CPNE6: variants seen among roughly 807,000 people sequenced by gnomAD.
The protein encoded by CPNE6 is copine 6.
A neutral mutation model predicts 71.5 loss-of-function variants in CPNE6; 33 were observed. The ratio of observed to expected loss-of-function variants is 0.46; its 90% CI spans 0.35 to 0.62. The LOEUF (loss-of-function observed/expected upper bound fraction) is 0.62. Among genes scored for constraint, CPNE6 ranks in the 20% least tolerant of loss-of-function variants. The pLI is 0.00. For synonymous variants in CPNE6, 296 were observed against 293.0 expected (o/e 1.01, Z -0.10); for missense variants, 576 against 747.3 (o/e 0.77, Z 2.67).
Position 24,073,792 on chromosome 14 carries a change from C to T in CPNE6, c.348+114C>T. On this transcript the variant is annotated intron_variant, in intron 4 of 17. Coordinates refer to ENST00000397016, the Ensembl canonical transcript of CPNE6. The surrounding 1 kb of genome is among the most constrained non-coding windows in gnomAD (Gnocchi z 5.5). ...GAGCTAGTTCAACCCAGCCTTGGCT[C>T]CCATCTCTGCCATTCACTAGCTGTG... 3 of 1,124,680 alleles carry T rather than the reference C, an allele frequency of 2.7e-6. No homozygotes were observed. Among genetic ancestry groups the T allele is most frequent in the Non-Finnish European group, 3.8e-6 (3 of 790,942 alleles). The allele number at this position is 1,124,680 out of a possible 1,614,324, so 69.7% of individuals were successfully genotyped here.
At position 24,077,866 on chromosome 14, in the gene CPNE6, T is replaced by A; in HGVS notation, c.*38-22T>A. 8.3e-6 allele frequency: 8 copies of A among 961,996 alleles called. No homozygotes were observed. Among genetic ancestry groups the A allele is most frequent in the African/African-American group, 1.7e-5 (1 of 60,460 alleles). 59.6% of individuals were successfully genotyped at this position (961,996 alleles called of 1,614,324 possible). The stretch of plus-strand genomic sequence containing the variant: ...GGTGTAGTGTAGAAGAGAGTGCTTA[T>A]GACTCTCCCACCCCCTCCCAGGTGC... On this transcript the variant is annotated intron_variant, in intron 17 of 17. Coordinates refer to ENST00000397016, the Ensembl canonical transcript of CPNE6. The surrounding 1 kb of genome is among the most constrained non-coding windows in gnomAD (Gnocchi z 6.1).
intron 1 of CPNE6, chr14:24,071,177 C>A: frequency 9.7e-7 from 1 of 1,026,166 alleles, no homozygotes; most frequent in Non-Finnish European, 1.4e-6. Flanking sequence ...CTGTAACTGT[C>A]GTGGTGTCAC....
In CPNE6 at chr14:24,073,971, C is replaced by A; in HGVS notation, c.349-80C>A. 7.7e-7 allele frequency: 1 copy of A among 1,295,764 alleles called. No individual in the cohort carries two copies. Among genetic ancestry groups the A allele is most frequent in the Non-Finnish European group, 1.1e-6 (1 of 890,874 alleles). 80.3% of individuals were successfully genotyped at this position (1,295,764 alleles called of 1,614,324 possible). ...TGCCAACCCTTGCAGACACTCAGAG[C>A]ATTTATTATTCCATCCCTTGTACGT... is the stretch of plus-strand genomic sequence containing the variant. On this transcript the variant is annotated intron_variant, in intron 4 of 17. Transcript: ENST00000397016. This position sits in a 1 kb window ranked among gnomAD's most constrained non-coding sequence, Gnocchi z 5.5.
At chr14:24,071,088 G>T in intron 1 of CPNE6, 1 of 1,457,372 alleles carries the variant, frequency 6.9e-7, no homozygotes, top group Non-Finnish European at 9.3e-7. Flanking sequence ...ATATGTGACT[G>T]CAGATATCCT....
chr14:24,077,233 C>G lies in CPNE6; in HGVS notation c.1379C>G (p.Ser460Cys). The stretch of plus-strand genomic sequence containing the variant: ...ACTCGCACTGCTATCGTGCGTGCCT[C>G]CCGCCTGCCCATGTCCATCATCATC... Residue 460 changes from serine to cysteine, a missense_variant, in exon 16 of 18, where the codon TCC becomes TGC. Ser to Cys is a moderately radical substitution (Grantham distance 112, BLOSUM62 -1). Coordinates refer to ENST00000397016, the Ensembl canonical transcript of CPNE6. This position sits in a 1 kb window ranked among gnomAD's most constrained non-coding sequence, Gnocchi z 6.1. 1 of 1,613,176 alleles carries G rather than the reference C, an allele frequency of 6.2e-7. No individual in the cohort carries two copies. The highest frequency in any genetic ancestry group is 1.1e-5 in the South Asian group (1 of 91,086).
chr14:24,075,877 C>T lies in CPNE6; in HGVS notation c.915C>T (p.Ile305=). 1 of 1,614,076 alleles carries T rather than the reference C, an allele frequency of 6.2e-7. No homozygotes were observed. The highest frequency in any genetic ancestry group is 8.5e-7 in the Non-Finnish European group (1 of 1,180,006). The change falls in exon 11 of 18, where the codon ATC becomes ATT. Residue 305 remains isoleucine, a synonymous_variant. Transcript: ENST00000397016. This position sits in a 1 kb window ranked among gnomAD's most constrained non-coding sequence, Gnocchi z 4.3. ...ATTACATCATGGGTGGCTGCCAGAT[C>T]AGCTTCACGGTAAAGACTCAGAGGG...
At position 24,076,442 on chromosome 14, in the gene CPNE6, G is replaced by A. The variant is rs773422794; in HGVS notation, c.1113+28G>A. On this transcript the variant is annotated intron_variant, in intron 13 of 17. Transcript: ENST00000397016. ...AGGCTAGATGCGAGGGAAAGAAGGA[G>A]ATGGGGGGCGTGTCAGTCAGGCAGA... The A allele has an allele frequency of 1.5e-5, 25 of 1,614,220 alleles. No homozygotes were observed. In the East Asian group the frequency reaches 5.1e-4, roughly 33 times the overall value.
chr14:24,076,321 C>A (rs777522417), intron 12 of CPNE6, 39 bp downstream of exon 11: 6 of 1,614,212 alleles, frequency 3.7e-6, no homozygotes, highest in Admixed American at 1.7e-5. Flanking sequence ...GGCAGGGAGG[C>A]CTTGCCCAAC....
chr14:24,074,110 C>G lies in CPNE6; in HGVS notation c.408C>G (p.Gly136=). The G allele has an allele frequency of 6.2e-7, 1 of 1,614,134 alleles. No homozygotes were observed. The highest frequency in any genetic ancestry group is 8.5e-7 in the Non-Finnish European group (1 of 1,179,984). Reference sequence around the variant, plus strand: ...TGCTGAAGAATGGGAAGACTGCGGGCAAGTCCACCATCACGGTAGGCAAGA... The same window carrying G: ...TGCTGAAGAATGGGAAGACTGCGGGGAAGTCCACCATCACGGTAGGCAAGA... The change falls in exon 5 of 18, where the codon GGC becomes GGG. Residue 136 remains glycine (G), a synonymous_variant. Coordinates refer to ENST00000397016, the Ensembl canonical transcript of CPNE6. The surrounding 1 kb of genome is among the most constrained non-coding windows in gnomAD (Gnocchi z 4.5).
intron 14 of CPNE6, 117 bp from the exon 14 acceptor site, chr14:24,076,762 T>A (rs1566551931): frequency 3.2e-6 from 5 of 1,541,318 alleles, no homozygotes; most frequent in Admixed American, 1.7e-5. Flanking sequence ...CACTGCTTAA[T>A]GAAGGAACTC....
In CPNE6 at chr14:24,077,906, G is replaced by GT. The variant is rs1446466717; in HGVS notation, c.*57dup. On this transcript the variant is annotated 3_prime_UTR_variant, in exon 18 of 18. Transcript: ENST00000397016. The surrounding 1 kb of genome is among the most constrained non-coding windows in gnomAD (Gnocchi z 6.1). ...CTCCCAGGTGCCTGTCCTGACCCTC[G>GT]TGACTCCAGTGACCAATGCCTCCAC... The GT allele has an allele frequency of 1.0e-5, 6 of 587,406 alleles. No homozygotes were observed. The highest frequency in any genetic ancestry group is 3.7e-5 in the Admixed American group (1 of 26,944). 36.4% of individuals were successfully genotyped at this position (587,406 alleles called of 1,614,324 possible).
rs897865057 is a variant in CPNE6, at chr14:24,075,670, T to A, written c.864+79T>A. The stretch of plus-strand genomic sequence containing the variant: ...TCTCAGGTTCAACCCTTCCCTTGTT[T>A]CAAAGACCAGTTTCTCTGCTTCTGG... On this transcript the variant is annotated intron_variant, in intron 10 of 17. Transcript: ENST00000397016. This position sits in a 1 kb window ranked among gnomAD's most constrained non-coding sequence, Gnocchi z 4.3. The A allele has an allele frequency of 9.5e-5, 135 of 1,414,784 alleles. No homozygotes were observed. The highest frequency in any genetic ancestry group is 3.7e-4 in the Admixed American group (19 of 51,498). The allele number at this position is 1,414,784 out of a possible 1,614,324, so 87.6% of individuals were successfully genotyped here. A position where few individuals can be genotyped will look rare whatever the true frequency, so the allele number is the denominator to read the frequency against.
At position 24,074,330 on chromosome 14, in the gene CPNE6, C is replaced by G; in HGVS notation, c.463C>G (p.Gln155Glu). The change falls in exon 6 of 18, where the codon CAA becomes GAA. Residue 155 changes from glutamine (Q) to glutamate (E), a missense_variant. Coordinates refer to ENST00000397016, the Ensembl canonical transcript of CPNE6. The surrounding 1 kb of genome is among the most constrained non-coding windows in gnomAD (Gnocchi z 4.5). The stretch of plus-strand genomic sequence containing the variant: ...GGTATCAGGCACAAACGACTATGTG[C>G]AACTCACCTTCAGAGCCTACAAGCT... 1 of 1,567,576 alleles carries G rather than the reference C, an allele frequency of 6.4e-7. No individual in the cohort carries two copies.
chr14:24,071,520 C>CCA, intron 1 of CPNE6, 42 bp from the exon 1 acceptor site: 4 of 1,487,898 alleles, frequency 2.7e-6, no homozygotes, highest in Non-Finnish European at 3.6e-6. Context: ...CACCCCTCCC[C>CCA]ATCCAGGCCC....
rs1400138080 is a variant in CPNE6, at chr14:24,073,780, C to G, written c.348+102C>G. ...ACATGAGCTCTAGAGCTAGTTCAAC[C>G]CAGCCTTGGCTCCCATCTCTGCCAT... On this transcript the variant is annotated intron_variant, in intron 4 of 17. Transcript: ENST00000397016. The surrounding 1 kb of genome is among the most constrained non-coding windows in gnomAD (Gnocchi z 5.5). The G allele has an allele frequency of 7.8e-6, 10 of 1,276,830 alleles. No homozygotes were observed. The highest frequency in any genetic ancestry group is 1.1e-5 in the Non-Finnish European group (10 of 924,132). 79.1% of individuals were successfully genotyped at this position (1,276,830 alleles called of 1,614,324 possible). A position where few individuals can be genotyped will look rare whatever the true frequency, so the allele number is the denominator to read the frequency against.
Position 24,073,469 on chromosome 14 carries a change from G to A in CPNE6, c.169-30G>A. ...GAAAAGTATCCTCGGTTCCCAGACA[G>A]CCCTCGCCTCCCTTCAACCACTACC... On this transcript the variant is annotated intron_variant, in intron 3 of 17. Coordinates refer to ENST00000397016, the Ensembl canonical transcript of CPNE6. This position sits in a 1 kb window ranked among gnomAD's most constrained non-coding sequence, Gnocchi z 5.5. 6.2e-7 allele frequency: 1 copy of A among 1,604,060 alleles called. No homozygotes were observed. Among genetic ancestry groups the A allele is most frequent in the South Asian group, 1.1e-5 (1 of 90,010 alleles).
rs1275780172 is a variant in CPNE6 at position 24,073,917 on chromosome 14, A to C, written c.349-134A>C. On this transcript the variant is annotated intron_variant, in intron 4 of 17. Coordinates refer to ENST00000397016, the Ensembl canonical transcript of CPNE6. This position sits in a 1 kb window ranked among gnomAD's most constrained non-coding sequence, Gnocchi z 5.5. ...CTTCCCTCTTCAGACTATTGTAAAA[A>C]TTGAGCCCAACCCTAGCCCAACTCA... 5 of 907,640 alleles carry C rather than the reference A, an allele frequency of 5.5e-6. No homozygotes were observed. Among genetic ancestry groups the C allele is most frequent in the African/African-American group, 1.6e-5 (1 of 61,218 alleles). 56.2% of individuals were successfully genotyped at this position (907,640 alleles called of 1,614,324 possible).
In CPNE6 at chr14:24,072,159, G is replaced by C. The variant is rs1412986085; in HGVS notation, c.-5+518G>C. 2.6e-5 allele frequency: 4 copies of C among 152,860 alleles called. No homozygotes were observed. The East Asian group carries it at 7.7e-4, about 29-fold the overall frequency. 9.5% of individuals were successfully genotyped at this position (152,860 alleles called of 1,614,324 possible). The stretch of plus-strand genomic sequence containing the variant: ...AGGCTTGGTACCACTGCTGGGGGAA[G>C]GTGGCATGCGTGCATCCCACGGGCA... On this transcript the variant is annotated intron_variant, in intron 2 of 17. Coordinates refer to ENST00000397016, the Ensembl canonical transcript of CPNE6.
In CPNE6 at chr14:24,077,027, C is replaced by T. The variant is rs374220124; in HGVS notation, c.1299+15C>T. 3.6e-5 allele frequency: 58 copies of T among 1,607,662 alleles called. No homozygotes were observed. The African/African-American group carries it at 6.8e-4, about 19-fold the overall frequency. On this transcript the variant is annotated intron_variant, in intron 15 of 17. Transcript: ENST00000397016. This position sits in a 1 kb window ranked among gnomAD's most constrained non-coding sequence, Gnocchi z 6.1. ...GCCAAGCCACGGTAGGAAGACATGG[C>T]GGGCAAACAGGAGCTGTCCCATGTG...
Sources: gnomAD v4.1 joint callset for allele counts on GRCh38, gnomAD v4.1.1 for gene constraint, Gnocchi (gnomAD v3.1) non-coding constraint, MANE v1.5 for transcripts, NCBI Gene and HGNC (gene_info 2026-07-23, HGNC 2026-07-21) for gene names.